NCOA3: variants seen among roughly 807,000 people sequenced by gnomAD.
NCOA3 encodes the protein CBP-interacting protein.
A neutral mutation model predicts 158.8 loss-of-function variants in NCOA3; 51 were observed. That is an observed-to-expected ratio of 0.32 (90% CI 0.26 to 0.41). The LOEUF (loss-of-function observed/expected upper bound fraction) is 0.41, where lower values mean the gene tolerates loss of function less well. Ranked by LOEUF, NCOA3 falls within the 10% of genes least tolerant of loss-of-function variation. The pLI is 1.00. For missense variants in NCOA3, 1,510 were observed against 1,746.6 expected (o/e 0.86, Z 2.41); for synonymous variants, 537 against 592.4 (o/e 0.91, Z 1.36).
At chr20:47,527,106 G>T (rs1042277627) in intron 1 of NCOA3, among the ~76,000 whole-genome samples, 4 of 152,082 alleles carry the variant, frequency 2.6e-5, no homozygotes, top group Non-Finnish European at 4.4e-5. Context: ...GTTTGCTTAG[G>T]ATTGTATATA....
intron 2 of NCOA3, among the ~76,000 whole-genome samples, chr20:47,597,874 A>G (rs1011911245): frequency 2.0e-5 from 3 of 151,964 alleles, no homozygotes; most frequent in Middle Eastern, 3.4e-3. Context: ...TGCTTTCCCC[A>G]TTAGAGCCCG....
At chr20:47,644,434 C>T (rs184451997) in intron 17 of NCOA3, among the ~76,000 whole-genome samples, 23 of 152,296 alleles carry the variant, frequency 1.5e-4, no homozygotes, top group Middle Eastern at 3.4e-3. Context: ...CAGGCGTGAG[C>T]CACCGCGCCT....
intron 2 of NCOA3, among the ~76,000 whole-genome samples, chr20:47,607,517 T>G (rs1208506141): frequency 2.6e-5 from 4 of 152,186 alleles, no homozygotes; most frequent in Non-Finnish European, 5.9e-5. Context: ...AAGATGATAT[T>G]TAAGTCTGAA....
At chr20:47,651,552 C>T (rs2086794703) in intron 20 of NCOA3, among the ~76,000 whole-genome samples, 2 of 152,140 alleles carry the variant, frequency 1.3e-5, no homozygotes, top group South Asian at 4.1e-4. Context: ...GTCCCCTTGC[C>T]CCTTCTTGTA....
At chr20:47,527,517 G>A (rs771782524) in intron 1 of NCOA3, among the ~76,000 whole-genome samples, 13 of 152,200 alleles carry the variant, frequency 8.5e-5, no homozygotes, top group South Asian at 4.2e-4. Context: ...ATACATATGG[G>A]CAGTTTGTTT....
intron 1 of NCOA3, among the ~76,000 whole-genome samples, chr20:47,541,713 A>C (rs2084740871): frequency 6.6e-6 from 1 of 151,368 alleles, no homozygotes; most frequent in Non-Finnish European, 1.5e-5. Flanking sequence ...TTTTGAAGCA[A>C]ATACTAGACA....
chr20:47,633,702 G>T, intron 9 of NCOA3, 66 bp downstream of exon 9: 1 of 1,533,250 alleles, frequency 6.5e-7, no homozygotes, highest in South Asian at 1.2e-5. Context: ...TTGCTATCTT[G>T]CCCAGGCTGG....
Position 47,525,606 on chromosome 20 carries a change from C to CG in NCOA3, c.-99+23593dup, listed in dbSNP as rs1327758296. Among the ~76,000 whole-genome samples, 640 of 128,970 alleles carry CG rather than the reference C, an allele frequency of 5.0e-3. 27 individuals carry two copies. The highest frequency in any genetic ancestry group is 0.02 in the African/African-American group (602 of 29,764). 84.6% of individuals were successfully genotyped at this position (128,970 alleles called of 152,430 possible). On this transcript the variant is annotated intron_variant, in intron 1 of 22. Coordinates refer to ENST00000371998, the MANE Select transcript of NCOA3 (RefSeq NM_181659.3). ...CTCCTGGACGGGGCGGCTGGCCGGG[C>CG]GGGGGGCTGACCCCCCCACCTCCCT...
intron 1 of NCOA3, among the ~76,000 whole-genome samples, chr20:47,511,538 T>TACACAC (rs1299810110): frequency 4.3e-5 from 1 of 23,378 alleles, no homozygotes; most frequent in South Asian, 2.4e-3. Context: ...TATATATATA[T>TACACAC]ATATATATAT....
intron 17 of NCOA3, 95 bp downstream of exon 17, chr20:47,642,479 T>G: frequency 2.5e-6 from 2 of 790,384 alleles, no homozygotes; most frequent in Non-Finnish European, 3.6e-6. Context: ...CCTGTGTGTG[T>G]CTCTCCTAGT....
At position 47,637,684 on chromosome 20, in the gene NCOA3, G is replaced by A; in HGVS notation, c.2413G>A (p.Gly805Ser). 1 of 1,609,850 alleles carries A rather than the reference G, an allele frequency of 6.2e-7. No individual in the cohort carries two copies. The highest frequency in any genetic ancestry group is 8.5e-7 in the Non-Finnish European group (1 of 1,178,192). The change falls in exon 13 of 23, where the codon GGT becomes AGT. Residue 805 changes from glycine (G) to serine (S), a missense_variant. By Grantham distance (56) the Gly-to-Ser change is moderately conservative (BLOSUM62 0). Coordinates refer to ENST00000371998, the MANE Select transcript of NCOA3 (RefSeq NM_181659.3). The stretch of plus-strand genomic sequence containing the variant: ...CTTGGATAATCTAGATGCTATTCTT[G>A]GTGATCTGACTAGTTCTGACTTTTA... ...GDLDNLDAIL[G>S]DLTSSDFYNN...
At chr20:47,558,161 G>A (rs1443335449) in intron 1 of NCOA3, among the ~76,000 whole-genome samples, 1 of 145,952 alleles carries the variant, frequency 6.9e-6, no homozygotes, top group Non-Finnish European at 1.5e-5. Flanking sequence ...AGGTTCAAAC[G>A]ATTTCTCCTG....
intron 1 of NCOA3, among the ~76,000 whole-genome samples, chr20:47,521,731 G>A (rs1458830443): frequency 6.6e-6 from 1 of 152,156 alleles, no homozygotes; most frequent in Non-Finnish European, 1.5e-5. Flanking sequence ...GCAAAGAATT[G>A]AACATACTGA....
At chr20:47,505,219 G>A (rs2146039273) in intron 1 of NCOA3, among the ~76,000 whole-genome samples, 1 of 150,934 alleles carries the variant, frequency 6.6e-6, no homozygotes, top group South Asian at 2.1e-4. Context: ...GCACCACCAC[G>A]CCCGGCTATT....
intron 1 of NCOA3, among the ~76,000 whole-genome samples, chr20:47,541,759 A>G (rs1378346095): frequency 6.6e-6 from 1 of 151,908 alleles, no homozygotes; most frequent in East Asian, 1.9e-4. Flanking sequence ...AAAAGATACA[A>G]CTGTCTTTCA....
chr20:47,505,003 G>GTTTTTTTTTTTTTTTTTT lies in NCOA3; in HGVS notation c.-99+2993_-99+3010dup, dbSNP rs1166777115. ...TAAAATAAATGGCTTTGGGTTTTTG[G>GTTTTTTTTTTTTTTTTTT]TTTTTTTTTTTTTTTTTTTTTTTTT... is the stretch of plus-strand genomic sequence containing the variant. On this transcript the variant is annotated intron_variant, in intron 1 of 22. Transcript: ENST00000371998. 1.6e-3 allele frequency among the ~76,000 whole-genome samples: 47 copies of GTTTTTTTTTTTTTTTTTT among 28,540 alleles called. 15 individuals are homozygous for GTTTTTTTTTTTTTTTTTT. The highest frequency in any genetic ancestry group is 9.5e-3 in the East Asian group (7 of 734). The allele number at this position is 28,540 out of a possible 152,430, so 18.7% of individuals were successfully genotyped here.
At chr20:47,646,077 A>T (rs2086681178) in intron 17 of NCOA3, among the ~76,000 whole-genome samples, 1 of 152,200 alleles carries the variant, frequency 6.6e-6, no homozygotes, top group South Asian at 2.1e-4. Context: ...ACCCCTGTGG[A>T]TACCAAAATC....
intron 8 of NCOA3, among the ~76,000 whole-genome samples, chr20:47,632,053 A>G (rs1001348811): frequency 6.6e-6 from 1 of 152,182 alleles, no homozygotes; most frequent in Non-Finnish European, 1.5e-5. Context: ...GTCCCACAAG[A>G]CTGCCTGTAC....
chr20:47,603,878 T>G (rs1330826300), intron 2 of NCOA3, among the ~76,000 whole-genome samples: 2 of 152,032 alleles, frequency 1.3e-5, no homozygotes, highest in African/African-American at 4.8e-5. Flanking sequence ...TATGGGGGCG[T>G]GGTGGGTCAA....
Sources: allele counts gnomAD v4.1 joint callset (sites outside exome capture counted in the v4.1 genomes callset), GRCh38; gene constraint gnomAD v4.1.1; transcripts MANE v1.5; gene names NCBI Gene and HGNC (gene_info 2026-07-23, HGNC 2026-07-21).